ASXL3: variants seen among roughly 807,000 people sequenced by gnomAD.
ASXL3 encodes the protein putative Polycomb group protein ASXL3.
A neutral mutation model predicts 170.6 loss-of-function variants in ASXL3; 34 were observed. That is an observed-to-expected ratio of 0.20 (90% confidence interval 0.15 to 0.27). The LOEUF (loss-of-function observed/expected upper bound fraction) is 0.27, where lower values mean the gene tolerates loss of function less well. Among genes scored for constraint, ASXL3 ranks in the 10% least tolerant of loss-of-function variants. The pLI is 1.00. For missense variants in ASXL3, 2,592 were observed against 2,695.3 expected (o/e 0.96, Z 0.85); for synonymous variants, 1,002 against 989.1 (o/e 1.01, Z -0.24).
At chr18:33,706,553 G>A (rs1274988899) in intron 8 of ASXL3, among the ~76,000 whole-genome samples, 3 of 151,830 alleles carry the variant, frequency 2.0e-5, no homozygotes, top group East Asian at 1.9e-4. Flanking sequence ...ATTGTTCATA[G>A]TGGTTTTAGT....
chr18:33,702,969 G>C (rs6507056), intron 8 of ASXL3, among the ~76,000 whole-genome samples: 106,383 of 152,002 alleles, frequency 0.7, 38,772 homozygotes, highest in East Asian at 0.98. Flanking sequence ...CAACAATGCG[G>C]TGGGCATAAA....
At position 33,744,467 on chromosome 18, in the gene ASXL3, T is replaced by C. The variant is rs751134539; in HGVS notation, c.4619T>C (p.Ile1540Thr). ...NEGIDHSSTFIAASAAKQDSK... is the reference protein window; with the variant it reads ...NEGIDHSSTFTAASAAKQDSK... ...GGTATAGATCACAGTTCCACTTTCATTGCTGCTTCGGCAGCAAAACAAGAC... is the reference window on the plus strand; with the variant it reads ...GGTATAGATCACAGTTCCACTTTCACTGCTGCTTCGGCAGCAAAACAAGAC... The change falls in exon 12 of 12, where the codon ATT (isoleucine) becomes ACT (threonine). Residue 1540 changes from isoleucine to threonine, a missense_variant. Physicochemically the swap from Ile to Thr is moderately conservative, Grantham distance 89. Transcript: ENST00000269197. 2.7e-5 allele frequency: 44 copies of C among 1,613,308 alleles called. 1 individual carries two copies. In the South Asian group the frequency reaches 4.7e-4, roughly 17 times the overall value.
At chr18:33,698,241 C>T (rs1392734132) in intron 8 of ASXL3, among the ~76,000 whole-genome samples, 1 of 152,112 alleles carries the variant, frequency 6.6e-6, no homozygotes, top group African/African-American at 2.4e-5. Context: ...GAGGACACAG[C>T]AACGTGGTGC....
At chr18:33,687,210 C>G (rs2066610969) in intron 8 of ASXL3, among the ~76,000 whole-genome samples, 1 of 152,104 alleles carries the variant, frequency 6.6e-6, no homozygotes, top group Admixed American at 6.6e-5. Flanking sequence ...TCTTTCTGCT[C>G]AAGGTGGGCT....
intron 4 of ASXL3, among the ~76,000 whole-genome samples, chr18:33,654,343 A>C (rs1386615949): frequency 6.6e-6 from 1 of 152,054 alleles, no homozygotes; most frequent in African/African-American, 2.4e-5. Flanking sequence ...CTGTGACTGT[A>C]GATATGAACA....
In ASXL3 at chr18:33,628,037, C is replaced by A. The variant is rs574188571; in HGVS notation, c.138-16857C>A. On this transcript the variant is annotated intron_variant, in intron 2 of 11. Transcript: ENST00000269197. ...AACTGTCTGTTCAATGTCATTTTGG[C>A]AAAAAGGCAGGAAACTAACATTTAT... 7.9e-5 allele frequency among the ~76,000 whole-genome samples: 12 copies of A among 152,060 alleles called. No individual in the cohort carries two copies. In the East Asian group the frequency reaches 1.9e-3, roughly 25 times the overall value.
Position 33,745,425 on chromosome 18 carries a change from T to C in ASXL3, c.5577T>C (p.Cys1859=), listed in dbSNP as rs2067762891. Residue 1859 remains cysteine (C), a synonymous_variant, in exon 12 of 12, where the codon TGT becomes TGC. Coordinates refer to ENST00000269197, the MANE Select transcript of ASXL3 (RefSeq NM_030632.3). Reference sequence around the variant, plus strand: ...AGCCAGATGTTAAAGGGGTGCCTTGTGTCATCAGTTCCGGCATCAGTCAGC... The same window carrying C: ...AGCCAGATGTTAAAGGGGTGCCTTGCGTCATCAGTTCCGGCATCAGTCAGC... ...LVEPDVKGVP[C]VISSGISQLG... is the part of the protein sequence containing the mutation. 2 of 1,613,984 alleles carry C rather than the reference T, an allele frequency of 1.2e-6. 1 individual carries two copies. The highest frequency in any genetic ancestry group is 2.2e-5 in the South Asian group (2 of 91,082).
chr18:33,615,352 A>G (rs1184813697), intron 2 of ASXL3, among the ~76,000 whole-genome samples: 1 of 152,160 alleles, frequency 6.6e-6, no homozygotes, highest in Non-Finnish European at 1.5e-5. Context: ...TAGCCTTCAT[A>G]GAATTTTGAC....
At chr18:33,586,609 C>A (rs1278968789) in intron 1 of ASXL3, among the ~76,000 whole-genome samples, 32 of 151,952 alleles carry the variant, frequency 2.1e-4, no homozygotes, top group Admixed American at 2.1e-3. Flanking sequence ...CTCAGTTGCC[C>A]CTTTAGTGTT....
At chr18:33,686,748 A>T (rs2066603713) in intron 8 of ASXL3, among the ~76,000 whole-genome samples, 1 of 152,216 alleles carries the variant, frequency 6.6e-6, no homozygotes, top group African/African-American at 2.4e-5. Flanking sequence ...ACTTTTTCTG[A>T]AACCAGTAGG....
intron 8 of ASXL3, among the ~76,000 whole-genome samples, chr18:33,687,966 C>T (rs866173173): frequency 6.6e-6 from 1 of 152,128 alleles, no homozygotes; most frequent in African/African-American, 2.4e-5. Flanking sequence ...ATAAATAATT[C>T]ATAAAATCTT....
intron 2 of ASXL3, among the ~76,000 whole-genome samples, chr18:33,629,309 A>G (rs2065644135): frequency 6.6e-6 from 1 of 152,154 alleles, no homozygotes. Flanking sequence ...AAGTGGCAAT[A>G]TAAAAGACCA....
intron 2 of ASXL3, among the ~76,000 whole-genome samples, chr18:33,636,821 A>G (rs2065773547): frequency 6.6e-6 from 1 of 152,126 alleles, no homozygotes; most frequent in Admixed American, 6.6e-5. Context: ...AATTTTGAAT[A>G]TTTGTGTTAT....
chr18:33,655,396 A>C (rs1389441608), intron 4 of ASXL3, among the ~76,000 whole-genome samples: 1 of 152,046 alleles, frequency 6.6e-6, no homozygotes, highest in African/African-American at 2.4e-5. Context: ...CAGTGCTTGT[A>C]ATTTTTAGAC....
intron 3 of ASXL3, 43 bp downstream of exon 3, chr18:33,645,045 C>T: frequency 7.5e-7 from 1 of 1,340,602 alleles, no homozygotes. Context: ...TATTATCATG[C>T]ATTTTTTCAG....
chr18:33,613,457 T>C (rs181740266), intron 2 of ASXL3, among the ~76,000 whole-genome samples: 2 of 152,192 alleles, frequency 1.3e-5, no homozygotes, highest in Admixed American at 1.3e-4. Context: ...ATGTTGAAGA[T>C]ATTGCAGATT....
intron 1 of ASXL3, among the ~76,000 whole-genome samples, chr18:33,589,000 C>A: frequency 6.6e-6 from 1 of 152,216 alleles, no homozygotes; most frequent in African/African-American, 2.4e-5. Context: ...CTCTTCAGAT[C>A]CTTGTTTTTA....
chr18:33,603,008 A>T (rs577557849), intron 1 of ASXL3, among the ~76,000 whole-genome samples: 1 of 152,230 alleles, frequency 6.6e-6, no homozygotes, highest in East Asian at 1.9e-4. Flanking sequence ...TAATGTTAGA[A>T]AAAGGGAGAA....
At chr18:33,709,151 A>T (rs1327892511) in intron 8 of ASXL3, among the ~76,000 whole-genome samples, 1 of 152,176 alleles carries the variant, frequency 6.6e-6, no homozygotes, top group Non-Finnish European at 1.5e-5. Flanking sequence ...GGCAATAACA[A>T]ATGTTGGTGA....
Sources: gnomAD v4.1 joint callset for allele counts (sites outside exome capture counted in the v4.1 genomes callset) on GRCh38, gnomAD v4.1.1 for gene constraint, MANE v1.5 for transcripts, NCBI Gene and HGNC (gene_info 2026-07-23, HGNC 2026-07-21) for gene names.